Variants in PDE3B observed in about 807,000 individuals in gnomAD.
PDE3B encodes the protein phosphodiesterase 3B.
Under a neutral mutation model 116.8 loss-of-function variants are expected in PDE3B, and 66 were observed. The ratio of observed to expected loss-of-function variants is 0.56; its 90% confidence interval spans 0.46 to 0.69. The LOEUF is 0.69. Ranked by LOEUF, PDE3B falls within the 30% of genes least tolerant of loss-of-function variation. The pLI is 0.00. For synonymous variants in PDE3B, 595 were observed against 533.6 expected (o/e 1.12, Z -1.59); for missense variants, 1,384 against 1,368.1 (o/e 1.01, Z -0.18).
chr11:14,685,102 A>G (rs1854830040), intron 1 of PDE3B, among the ~76,000 whole-genome samples: 3 of 152,224 alleles, frequency 2.0e-5, no homozygotes, highest in Admixed American at 2.0e-4. Flanking sequence ...GAACTGATAA[A>G]TGTCCATATT....
intron 2 of PDE3B, chr11:14,776,744 A>G (rs928445093): frequency 6.6e-6 from 1 of 152,078 alleles, no homozygotes; most frequent in Non-Finnish European, 1.5e-5. Context: ...CACAGCCCAC[A>G]AAAGTAGGCC....
At chr11:14,859,306 AAT>A (rs1266870130) in intron 13 of PDE3B, 60 bp downstream of exon 13, 3 of 1,198,942 alleles carry the variant, frequency 2.5e-6, no homozygotes, top group East Asian at 2.4e-5. Context: ...TTACTGATAA[AAT>A]ATGTTTTTTA....
At chr11:14,823,792 A>G (rs1328714999) in intron 7 of PDE3B, among the ~76,000 whole-genome samples, 3 of 152,140 alleles carry the variant, frequency 2.0e-5, no homozygotes, top group Non-Finnish European at 2.9e-5. Context: ...ACAGAAAAGT[A>G]ACCAGATTGT....
chr11:14,670,642 A>G (rs1420818346), intron 1 of PDE3B, among the ~76,000 whole-genome samples: 1 of 152,178 alleles, frequency 6.6e-6, no homozygotes, highest in African/African-American at 2.4e-5. Flanking sequence ...GGATGTTTTA[A>G]AGTATTAATG....
chr11:14,752,166 C>G (rs1010569252), intron 1 of PDE3B, among the ~76,000 whole-genome samples: 4 of 151,992 alleles, frequency 2.6e-5, no homozygotes, highest in African/African-American at 9.7e-5. Context: ...TAAAGGTTAC[C>G]AATAACCTCA....
At chr11:14,801,455 C>T (rs2133932089) in intron 4 of PDE3B, among the ~76,000 whole-genome samples, 1 of 152,316 alleles carries the variant, frequency 6.6e-6, no homozygotes, top group South Asian at 2.1e-4. Flanking sequence ...TGGATGTCAC[C>T]AGGAGAGGCT....
intron 1 of PDE3B, among the ~76,000 whole-genome samples, chr11:14,758,096 C>A (rs1200920965): frequency 1.3e-5 from 2 of 151,964 alleles, no homozygotes; most frequent in African/African-American, 4.8e-5. Flanking sequence ...TCAGGTTTGT[C>A]AAAGATCAGA....
chr11:14,751,686 A>T (rs552573867), intron 1 of PDE3B, among the ~76,000 whole-genome samples: 3 of 152,250 alleles, frequency 2.0e-5, no homozygotes, highest in Admixed American at 1.3e-4. Context: ...CCAATATAAG[A>T]CTATAGTATT....
intron 5 of PDE3B, among the ~76,000 whole-genome samples, chr11:14,815,370 T>C (rs1183498703): frequency 6.6e-6 from 1 of 152,142 alleles, no homozygotes; most frequent in Non-Finnish European, 1.5e-5. Flanking sequence ...TCTACCTTGT[T>C]CTCATCTGGA....
chr11:14,860,904 TAC>T (rs750323720), intron 13 of PDE3B, among the ~76,000 whole-genome samples: 35 of 123,284 alleles, frequency 2.8e-4, no homozygotes, highest in African/African-American at 9.4e-4. Context: ...ACTTAATAAA[TAC>T]ATATATATAT....
At chr11:14,810,525 C>G (rs1342817860) in intron 5 of PDE3B, among the ~76,000 whole-genome samples, 1 of 152,040 alleles carries the variant, frequency 6.6e-6, no homozygotes, top group Non-Finnish European at 1.5e-5. Context: ...GCATAGTATT[C>G]CATAGTGTAT....
intron 1 of PDE3B, among the ~76,000 whole-genome samples, chr11:14,722,540 C>T (rs984041129): frequency 7.2e-5 from 11 of 152,072 alleles, no homozygotes; most frequent in Admixed American, 1.3e-4. Flanking sequence ...TGGACGGCAT[C>T]GTTTAATAGC....
chr11:14,830,914 A>T, intron 8 of PDE3B, 68 bp downstream of exon 8: 1 of 1,074,200 alleles, frequency 9.3e-7, no homozygotes, highest in Admixed American at 3.1e-5. Flanking sequence ...TGGTTTCATT[A>T]CTTTTGCCCA....
intron 12 of PDE3B, among the ~76,000 whole-genome samples, chr11:14,844,683 C>T (rs1168796998): frequency 1.3e-5 from 2 of 152,246 alleles, no homozygotes; most frequent in African/African-American, 2.4e-5. Context: ...CAGGAGATTA[C>T]ATCCCGCACC....
At chr11:14,872,708 A>G (rs1848155634), downstream of PDE3B, among the ~76,000 whole-genome samples, 1 of 152,210 alleles carries the variant, frequency 6.6e-6, no homozygotes, top group Non-Finnish European at 1.5e-5. Flanking sequence ...CCTCAGCTAT[A>G]AAAATCTTCA....
chr11:14,818,117 A>G (rs1239004879), intron 5 of PDE3B, 66 bp from the exon 6 acceptor site: 5 of 1,031,422 alleles, frequency 4.8e-6, no homozygotes, highest in African/African-American at 1.6e-5. Flanking sequence ...ACACAAATAT[A>G]TTTAATAAAC....
chr11:14,705,903 T>C (rs926027698), intron 1 of PDE3B, among the ~76,000 whole-genome samples: 3 of 151,852 alleles, frequency 2.0e-5, no homozygotes, highest in African/African-American at 4.8e-5. Context: ...TCGGTACTTA[T>C]ATAGAAATAA....
At chr11:14,843,782 T>A in intron 11 of PDE3B, 45 bp from the exon 12 acceptor site, 1 of 1,473,856 alleles carries the variant, frequency 6.8e-7, no homozygotes, top group Non-Finnish European at 9.5e-7. Context: ...TTGTGAGGAA[T>A]TTATGTGCTA....
At chr11:14,754,952 C>T (rs1857146761) in intron 1 of PDE3B, among the ~76,000 whole-genome samples, 1 of 152,148 alleles carries the variant, frequency 6.6e-6, no homozygotes, top group African/African-American at 2.4e-5. Context: ...CTCCCATTAT[C>T]TGTTGTACTT....
Sources: gnomAD v4.1 joint callset for allele counts (sites outside exome capture counted in the v4.1 genomes callset) on GRCh38, gnomAD v4.1.1 for gene constraint, MANE v1.5 for transcripts, NCBI Gene and HGNC (gene_info 2026-07-23, HGNC 2026-07-21) for gene names.